Variants in DNAH9 observed in about 807,000 individuals in gnomAD.
DNAH9 encodes dynein axonemal heavy chain 9, also known as DNAH9 variant protein.
In DNAH9, 345 loss-of-function variants were observed where a neutral mutation model predicts 471.6. The ratio of observed to expected loss-of-function variants is 0.73; its 90% confidence interval spans 0.67 to 0.80. DNAH9 has a LOEUF of 0.80. DNAH9 is among the 30% of genes least tolerant of loss of function. The pLI is 0.00. For synonymous variants in DNAH9, 2,093 were observed against 2,123.6 expected (o/e 0.99, Z 0.40); for missense variants, 5,407 against 5,609.2 (o/e 0.96, Z 1.15).
Position 11,606,857 on chromosome 17 carries a change from A to G in DNAH9, c.418-1272A>G, listed in dbSNP as rs1036200918. On this transcript the variant is annotated intron_variant, in intron 1 of 68. Coordinates refer to ENST00000262442, the MANE Select transcript of DNAH9 (RefSeq NM_001372.4). Reference sequence around the variant, plus strand: ...TCTCCTCTCATATTAACTTTATTCTAAGGCGCTATTGGTTGTGAAGGTGAC... The same window carrying G: ...TCTCCTCTCATATTAACTTTATTCTGAGGCGCTATTGGTTGTGAAGGTGAC... 4.6e-5 allele frequency among the ~76,000 whole-genome samples: 7 copies of G among 152,102 alleles called. No individual in the cohort carries two copies. The East Asian group carries it at 1.3e-3, about 29-fold the overall frequency.
chr17:11,942,305 C>G lies in DNAH9; in HGVS notation c.12663C>G (p.Val4221=). 1 of 1,613,760 alleles carries G rather than the reference C, an allele frequency of 6.2e-7. No individual in the cohort carries two copies. The highest frequency in any genetic ancestry group is 1.6e-4 in the Middle Eastern group (1 of 6,062). ...DGAGATREEK[V]KALLEEILER... ...CTGTGTTTCCTTCTGTGGGGCAGGT[C>G]AAGGCACTTCTGGAAGAAATATTGG... is the stretch of plus-strand genomic sequence containing the variant. Residue 4221 remains valine, a splice_region_variant and synonymous_variant, in exon 67 of 69, where the codon GTC becomes GTG. Coordinates refer to ENST00000262442, the MANE Select transcript of DNAH9 (RefSeq NM_001372.4).
At position 11,756,651 on chromosome 17, in the gene DNAH9, C is replaced by T. The variant is rs762290406; in HGVS notation, c.6822C>T (p.Ala2274=). The T allele has an allele frequency of 7.4e-6, 12 of 1,611,872 alleles. No individual in the cohort carries two copies. Among genetic ancestry groups the T allele is most frequent in the Non-Finnish European group, 1.0e-5 (12 of 1,178,086 alleles). Residue 2274 remains alanine (A), a synonymous_variant, in exon 34 of 69, where the codon GCC becomes GCT. Coordinates refer to ENST00000262442, the MANE Select transcript of DNAH9 (RefSeq NM_001372.4). ...LLFEISHLRT[A]TPATVSRAGI... The stretch of plus-strand genomic sequence containing the variant: ...TTGAGATCAGCCACCTGCGCACAGC[C>T]ACTCCAGCAACTGTCTCTAGAGCAG...
intron 50 of DNAH9, among the ~76,000 whole-genome samples, chr17:11,862,837 A>G (rs900669709): frequency 6.6e-6 from 1 of 151,870 alleles, no homozygotes; most frequent in Non-Finnish European, 1.5e-5. Context: ...TTATTGGTGT[A>G]TAAGAATGCT....
chr17:11,689,911 G>T lies in DNAH9; in HGVS notation c.4089G>T (p.Val1363=), dbSNP rs779974664. 1.2e-6 allele frequency: 2 copies of T among 1,609,124 alleles called. 1 individual carries two copies. The highest frequency in any genetic ancestry group is 2.2e-5 in the South Asian group (2 of 90,458). ...CATTCACAGGCCTGGAAAGCACTGT[G>T]TGGAACACGCTGAGCTCCCTGAGGG... ...WDAFTGLEST[V]WNTLSSLRAV... is the part of the protein sequence containing the mutation. Residue 1363 remains valine (V), a synonymous_variant, in exon 20 of 69, where the codon GTG becomes GTT. Transcript: ENST00000262442.
chr17:11,636,081 A>G (rs1483759079), intron 8 of DNAH9, among the ~76,000 whole-genome samples: 3 of 151,878 alleles, frequency 2.0e-5, no homozygotes, highest in African/African-American at 7.3e-5. Context: ...ATCTTGGCTC[A>G]CTGCAAACTC....
At chr17:11,968,637 T>TAAGC (rs1447638951) in intron 68 of DNAH9, among the ~76,000 whole-genome samples, 8 of 152,210 alleles carry the variant, frequency 5.3e-5, no homozygotes, top group Admixed American at 1.3e-4. Flanking sequence ...CAGAATATGG[T>TAAGC]AAGCACCACT....
intron 27 of DNAH9, among the ~76,000 whole-genome samples, chr17:11,719,712 C>T (rs977242136): frequency 1.3e-5 from 2 of 152,098 alleles, no homozygotes; most frequent in African/African-American, 4.8e-5. Flanking sequence ...GAAGCACAGC[C>T]CTTTGTATTC....
At chr17:11,801,717 T>G (rs1969469405) in intron 43 of DNAH9, among the ~76,000 whole-genome samples, 2 of 152,036 alleles carry the variant, frequency 1.3e-5, no homozygotes, top group African/African-American at 4.8e-5. Context: ...AATTCAACCT[T>G]ATGAAGCTCC....
intron 19 of DNAH9, among the ~76,000 whole-genome samples, chr17:11,686,160 CA>C (rs1173823192): frequency 1.3e-5 from 2 of 152,102 alleles, no homozygotes; most frequent in African/African-American, 4.8e-5. Flanking sequence ...TACACAGATA[CA>C]GACGGTACTG....
At chr17:11,956,173 T>C (rs968746951) in intron 67 of DNAH9, among the ~76,000 whole-genome samples, 1 of 152,052 alleles carries the variant, frequency 6.6e-6, no homozygotes, top group Non-Finnish European at 1.5e-5. Flanking sequence ...ATAAAAACAC[T>C]AATCAAAAGA....
At chr17:11,698,400 A>C (rs1012814480) in intron 22 of DNAH9, among the ~76,000 whole-genome samples, 1 of 146,490 alleles carries the variant, frequency 6.8e-6, no homozygotes, top group African/African-American at 2.5e-5. Context: ...TTTTATATAT[A>C]TATATGCTCT....
At chr17:11,791,843 AG>A (rs1207502688) in intron 41 of DNAH9, among the ~76,000 whole-genome samples, 1 of 152,222 alleles carries the variant, frequency 6.6e-6, no homozygotes, top group East Asian at 1.9e-4. Flanking sequence ...GACTTCAACA[AG>A]AGGTTTCAAT....
intron 67 of DNAH9, among the ~76,000 whole-genome samples, chr17:11,956,245 G>A (rs953435717): frequency 2.0e-5 from 3 of 152,170 alleles, no homozygotes; most frequent in Admixed American, 6.5e-5. Context: ...ATATTACCAT[G>A]GATGAAGAGG....
Position 11,705,065 on chromosome 17 carries a change from G to A in DNAH9, c.5432G>A (p.Arg1811His), listed in dbSNP as rs772276258. 8.7e-6 allele frequency: 14 copies of A among 1,614,008 alleles called. No individual in the cohort carries two copies. Among genetic ancestry groups the A allele is most frequent in the Admixed American group, 5.0e-5 (3 of 60,010 alleles). The change falls in exon 26 of 69, where the codon CGC (arginine) becomes CAC (histidine). Residue 1811 changes from arginine (R) to histidine (H), a missense_variant. Around this residue, in one of 3 missense-constraint regions of DNAH9, gnomAD observed 4,636 missense variants for 4,900.3 expected, o/e 0.95. Coordinates refer to ENST00000262442, the MANE Select transcript of DNAH9 (RefSeq NM_001372.4). ...GCTTTCCTCTGGCTGTCTCAGCTGC[G>A]CCATCGTTGGGATGACGAGGTCAAA... is the stretch of plus-strand genomic sequence containing the variant. ...AQAFLWLSQL[R>H]HRWDDEVKHC...
At chr17:11,910,464 G>A (rs1340710611) in intron 61 of DNAH9, among the ~76,000 whole-genome samples, 1 of 152,106 alleles carries the variant, frequency 6.6e-6, no homozygotes, top group Non-Finnish European at 1.5e-5. Context: ...ATCTGTTGAT[G>A]GACACTTGGG....
chr17:11,802,427 G>A lies in DNAH9; in HGVS notation c.8420+4634G>A, dbSNP rs573294106. Among the ~76,000 whole-genome samples, 6 of 152,116 alleles carry A rather than the reference G, an allele frequency of 3.9e-5. No homozygotes were observed. The East Asian group carries it at 5.8e-4, about 15-fold the overall frequency. On this transcript the variant is annotated intron_variant, in intron 43 of 68. Transcript: ENST00000262442. Reference sequence around the variant, plus strand: ...ATGGATCACCTGAGTTCAGGAGTTCGAGACTAGCCTGGCCAACACGGTGAA... The same window carrying A: ...ATGGATCACCTGAGTTCAGGAGTTCAAGACTAGCCTGGCCAACACGGTGAA...
At chr17:11,647,876 G>A (rs1319662170) in intron 12 of DNAH9, among the ~76,000 whole-genome samples, 1 of 152,198 alleles carries the variant, frequency 6.6e-6, no homozygotes, top group Non-Finnish European at 1.5e-5. Context: ...CAAACTAGGC[G>A]GGAGTGCCAA....
Position 11,842,672 on chromosome 17 carries a change from A to T in DNAH9, c.9507+7774A>T, listed in dbSNP as rs141480165. On this transcript the variant is annotated intron_variant, in intron 49 of 68. Transcript: ENST00000262442. Reference sequence around the variant, plus strand: ...TTGGCGTCTGATGTTAGAGGGCAGAAAGCATCCAGCACAGGAGATAGATAA... The same window carrying T: ...TTGGCGTCTGATGTTAGAGGGCAGATAGCATCCAGCACAGGAGATAGATAA... Among the ~76,000 whole-genome samples the T allele has an allele frequency of 5.1e-3, 780 of 152,236 alleles. 5 individuals are homozygous for T. The highest frequency in any genetic ancestry group is 0.018 in the African/African-American group (729 of 41,528).
At chr17:11,666,474 G>A (rs2073870090) in intron 15 of DNAH9, among the ~76,000 whole-genome samples, 1 of 152,162 alleles carries the variant, frequency 6.6e-6, no homozygotes, top group Non-Finnish European at 1.5e-5. Context: ...CCTTCGCTTT[G>A]TGGAAATAGG....
Sources: gnomAD v4.1 joint callset for allele counts (sites outside exome capture counted in the v4.1 genomes callset) on GRCh38, gnomAD v4.1.1 for gene constraint, gnomAD v4.1.1 regional missense constraint, MANE v1.5 for transcripts, NCBI Gene and HGNC (gene_info 2026-07-23, HGNC 2026-07-21) for gene names.